ZNF280D: variants seen among roughly 807,000 people sequenced by gnomAD.
The protein encoded by ZNF280D is zinc finger protein 280D.
ZNF280D carries 39 observed loss-of-function variants against 94.7 expected under a neutral mutation model. The observed-to-expected ratio is 0.41, with a 90% CI of 0.32 to 0.54. The LOEUF (loss-of-function observed/expected upper bound fraction) is 0.54. Among genes scored for constraint, ZNF280D ranks in the 20% least tolerant of loss-of-function variants. ZNF280D has a pLI of 0.22. For synonymous variants in ZNF280D, 398 were observed against 377.6 expected (o/e 1.05, Z -0.63); for missense variants, 1,090 against 1,149.3 (o/e 0.95, Z 0.75).
intron 19 of ZNF280D, among the ~76,000 whole-genome samples, chr15:56,650,018 T>C (rs1433828008): frequency 1.3e-5 from 2 of 152,088 alleles, no homozygotes; most frequent in African/African-American, 4.8e-5. Flanking sequence ...TAATGCAATA[T>C]ATACATGATA....
chr15:56,669,684 C>G (rs372966478), intron 13 of ZNF280D, among the ~76,000 whole-genome samples: 1 of 145,424 alleles, frequency 6.9e-6, no homozygotes, highest in South Asian at 2.2e-4. Context: ...ACTGAGAACC[C>G]CTTGACTGAG....
chr15:56,665,142 A>C (rs1400608023), intron 16 of ZNF280D, among the ~76,000 whole-genome samples: 1 of 152,222 alleles, frequency 6.6e-6, no homozygotes, highest in East Asian at 1.9e-4. Flanking sequence ...GACATGGGAA[A>C]ACCGAGAGAA....
intron 1 of ZNF280D, among the ~76,000 whole-genome samples, chr15:56,719,933 G>A (rs1401528741): frequency 2.0e-5 from 3 of 149,934 alleles, no homozygotes; most frequent in African/African-American, 7.4e-5. Flanking sequence ...TGGGCCTTCA[G>A]TGAGTCATAA....
rs554619338 is a variant in ZNF280D at position 56,666,433 on chromosome 15, G to A, written c.1956C>T (p.Asn652=). The change falls in exon 16 of 22, where the codon AAC becomes AAT. Residue 652 remains asparagine, a synonymous_variant. Transcript: ENST00000267807. ...TTACATAGGCTTTGCTACAGCTAGT[G>A]TTGTATCTGCAAAAACTACAGTGGA... The part of the protein sequence containing the change: ...TYVHCSFCRY[N]TSCSKAYVNH... The A allele has an allele frequency of 1.2e-5, 20 of 1,606,262 alleles. No individual in the cohort carries two copies. The Admixed American group carries it at 1.6e-4, about 12-fold the overall frequency.
At chr15:56,643,283 T>G (rs1419287895) in intron 19 of ZNF280D, 3 of 216,138 alleles carry the variant, frequency 1.4e-5, no homozygotes, top group Admixed American at 5.8e-5. Flanking sequence ...AAGTACAATT[T>G]AAAATAAAAG....
intron 13 of ZNF280D, among the ~76,000 whole-genome samples, chr15:56,675,749 G>A (rs1329252603): frequency 6.6e-6 from 1 of 151,860 alleles, no homozygotes; most frequent in Non-Finnish European, 1.5e-5. Context: ...ACTAACAACT[G>A]AAAATGACAG....
At chr15:56,704,363 T>C in intron 3 of ZNF280D, 96 bp from the exon 4 acceptor site, 1 of 1,178,882 alleles carries the variant, frequency 8.5e-7, no homozygotes, top group South Asian at 1.4e-5. Flanking sequence ...TGTACTTTAA[T>C]AATCTTAATA....
At position 56,689,044 on chromosome 15, in the gene ZNF280D, C is replaced by T. The variant is rs777801159; in HGVS notation, c.777G>A (p.Met259Ile). ...FNLLDPLKNH[M>I]KYCCPDMINN... is the part of the protein sequence containing the mutation. ...TTAAATTTTGAAAGAGTTTTACCTT[C>T]ATGTGATTTTTCAAAGGATCCAAAA... The change falls in exon 9 of 22, where the codon ATG becomes ATA. Residue 259 changes from methionine to isoleucine, a missense_variant. By Grantham distance (10) the Met-to-Ile change is conservative. This residue lies in a region of ZNF280D where 386 missense variants were observed against 372.0 expected (regional missense o/e 1.04). Coordinates refer to ENST00000267807, the MANE Select transcript of ZNF280D (RefSeq NM_017661.4). 2 of 1,592,372 alleles carry T rather than the reference C, an allele frequency of 1.3e-6. No homozygotes were observed. The highest frequency in any genetic ancestry group is 2.3e-5 in the South Asian group (2 of 86,502).
At chr15:56,662,903 G>C (rs1374922946) in intron 16 of ZNF280D, among the ~76,000 whole-genome samples, 1 of 150,862 alleles carries the variant, frequency 6.6e-6, no homozygotes, top group East Asian at 1.9e-4. Context: ...GTGGTGATCA[G>C]ACACTTGAAA....
intron 1 of ZNF280D, among the ~76,000 whole-genome samples, chr15:56,732,202 A>AT (rs1316402802): frequency 1.2e-4 from 18 of 152,192 alleles, no homozygotes; most frequent in Non-Finnish European, 2.2e-4. Flanking sequence ...CAGTGACCTC[A>AT]TTAAAGTCCT....
At chr15:56,715,575 T>C (rs1300341800) in intron 1 of ZNF280D, among the ~76,000 whole-genome samples, 1 of 152,130 alleles carries the variant, frequency 6.6e-6, no homozygotes, top group Non-Finnish European at 1.5e-5. Context: ...ATAATACATG[T>C]AAACTAGCAG....
At chr15:56,726,701 C>A (rs1204569190) in intron 1 of ZNF280D, among the ~76,000 whole-genome samples, 1 of 152,084 alleles carries the variant, frequency 6.6e-6, no homozygotes, top group Non-Finnish European at 1.5e-5. Flanking sequence ...AATGCATTAG[C>A]CTTAATTGTT....
chr15:56,689,203 A>C (rs2056267099), intron 8 of ZNF280D, 53 bp from the exon 9 acceptor site: 1 of 1,565,644 alleles, frequency 6.4e-7, no homozygotes, highest in African/African-American at 1.4e-5. Context: ...TTTTAACCTT[A>C]AATAACCACT....
At chr15:56,643,040 C>G in intron 19 of ZNF280D, 43 bp from the exon 20 acceptor site, 1 of 1,275,052 alleles carries the variant, frequency 7.8e-7, no homozygotes, top group Non-Finnish European at 1.1e-6. Flanking sequence ...TTTATATGTA[C>G]GATGGTAAAA....
chr15:56,689,354 A>G lies in ZNF280D; in HGVS notation c.616T>C (p.Leu206=), dbSNP rs780933379. 1.9e-6 allele frequency: 3 copies of G among 1,610,292 alleles called. No homozygotes were observed. Among genetic ancestry groups the G allele is most frequent in the Admixed American group, 3.4e-5 (2 of 59,588 alleles). Residue 206 remains leucine (L), a synonymous_variant, in exon 8 of 22, where the codon TTA becomes CTA. Transcript: ENST00000267807. ...ACTGAAGGAGATTTAACTGAAGGTAATACAGCTGAGGAATTTGCTCCAGAA... is the reference window on the plus strand; with the variant it reads ...ACTGAAGGAGATTTAACTGAAGGTAGTACAGCTGAGGAATTTGCTCCAGAA... ...SVSGANSSAV[L]PSVKSPSVTS... is the part of the protein sequence containing the mutation.
chr15:56,684,149 A>C (rs1009293223), intron 9 of ZNF280D, among the ~76,000 whole-genome samples: 3 of 152,176 alleles, frequency 2.0e-5, no homozygotes, highest in Admixed American at 6.5e-5. Context: ...CAATTGCAGG[A>C]AGCCTTCTGC....
chr15:56,704,956 CA>C (rs2057312977), intron 3 of ZNF280D, among the ~76,000 whole-genome samples: 1 of 151,562 alleles, frequency 6.6e-6, no homozygotes, highest in Non-Finnish European at 1.5e-5. Flanking sequence ...GCATTCCAGC[CA>C]GGGGTGACAG....
At chr15:56,671,668 C>T (rs1462203652) in intron 13 of ZNF280D, among the ~76,000 whole-genome samples, 1 of 151,750 alleles carries the variant, frequency 6.6e-6, no homozygotes, top group African/African-American at 2.4e-5. Flanking sequence ...GGCTATTTTT[C>T]GTTCCATATG....
chr15:56,720,848 A>C (rs550444687), intron 1 of ZNF280D, among the ~76,000 whole-genome samples: 15 of 151,896 alleles, frequency 9.9e-5, no homozygotes, highest in African/African-American at 3.1e-4. Flanking sequence ...AACAGGCTTA[A>C]ATTTTCTGTA....
Sources: allele counts gnomAD v4.1 joint callset (sites outside exome capture counted in the v4.1 genomes callset), GRCh38; gene constraint gnomAD v4.1.1; regional missense constraint gnomAD v4.1.1; transcripts MANE v1.5; gene names NCBI Gene and HGNC (gene_info 2026-07-23, HGNC 2026-07-21).